The following HECW1 variants were observed in gnomAD, a reference collection of about 807,000 sequenced individuals.
The protein encoded by HECW1 is HECT, C2 and WW domain containing E3 ubiquitin protein ligase 1, also known as E3 ubiquitin-protein ligase HECW1.
Under a neutral mutation model 182.3 loss-of-function variants are expected in HECW1, and 61 were observed. That is an observed-to-expected ratio of 0.33 (90% confidence interval 0.27 to 0.41). HECW1 has a LOEUF of 0.41. Ranked by LOEUF, HECW1 falls within the 10% of genes least tolerant of loss-of-function variation. The pLI is 1.00. For missense variants in HECW1, 1,739 were observed against 2,108.9 expected (o/e 0.82, Z 3.44); for synonymous variants, 859 against 832.6 (o/e 1.03, Z -0.55).
At chr7:43,340,071 G>T (rs1002353563) in intron 5 of HECW1, among the ~76,000 whole-genome samples, 23 of 151,988 alleles carry the variant, frequency 1.5e-4, no homozygotes, top group Non-Finnish European at 8.8e-5. Context: ...CTCTCATCTA[G>T]AAGTTTTAGT....
chr7:43,277,056 C>A (rs1393594629), intron 3 of HECW1, among the ~76,000 whole-genome samples: 1 of 152,186 alleles, frequency 6.6e-6, no homozygotes, highest in African/African-American at 2.4e-5. Flanking sequence ...GCTCTTTGGT[C>A]TCCTCCTTTC....
chr7:43,524,750 G>A (rs2080691276), intron 24 of HECW1, among the ~76,000 whole-genome samples: 2 of 152,206 alleles, frequency 1.3e-5, no homozygotes, highest in Admixed American at 6.5e-5. Context: ...AGACTGTGGA[G>A]ACCCAGGTTT....
intron 2 of HECW1, among the ~76,000 whole-genome samples, chr7:43,141,154 G>T (rs1788110718): frequency 6.6e-6 from 1 of 152,212 alleles, no homozygotes; most frequent in Non-Finnish European, 1.5e-5. Flanking sequence ...AGCACTGCGA[G>T]GTGACATTTC....
At chr7:43,114,420 T>TA (rs1164091136) in intron 2 of HECW1, 29 bp downstream of exon 2, 13 of 1,331,438 alleles carry the variant, frequency 9.8e-6, no homozygotes, top group Non-Finnish European at 1.3e-5. Flanking sequence ...GGGATTCATT[T>TA]AAAAATGTGT....
At chr7:43,237,140 A>AGTAGGTAGGTAGGTAG (rs71008898) in intron 2 of HECW1, among the ~76,000 whole-genome samples, 9 of 133,970 alleles carry the variant, frequency 6.7e-5, no homozygotes, top group South Asian at 2.5e-4. Flanking sequence ...GAAGGAAGGA[A>AGTAGGTAGGTAGGTAG]GTAGGTAGGT....
At chr7:43,494,252 C>T (rs1276976977) in intron 19 of HECW1, among the ~76,000 whole-genome samples, 1 of 152,078 alleles carries the variant, frequency 6.6e-6, no homozygotes, top group Non-Finnish European at 1.5e-5. Context: ...TCTCCTCCCT[C>T]TTCTTCCACC....
intron 2 of HECW1, among the ~76,000 whole-genome samples, chr7:43,123,415 G>A (rs147917513): frequency 4.6e-5 from 7 of 152,158 alleles, no homozygotes; most frequent in Non-Finnish European, 8.8e-5. Context: ...TCTGCTTGCC[G>A]AGAGACCACT....
At chr7:43,429,884 C>T (rs2152864534) in intron 8 of HECW1, among the ~76,000 whole-genome samples, 1 of 152,322 alleles carries the variant, frequency 6.6e-6, no homozygotes, top group East Asian at 1.9e-4. Flanking sequence ...AGAGGCAAAG[C>T]TAGATGCCAG....
chr7:43,225,253 C>A (rs190892781), intron 2 of HECW1, among the ~76,000 whole-genome samples: 1 of 152,252 alleles, frequency 6.6e-6, no homozygotes, highest in East Asian at 1.9e-4. Context: ...ACAAAGAAGG[C>A]TGGCGATAGC....
At chr7:43,401,322 G>C (rs2075398211) in intron 7 of HECW1, among the ~76,000 whole-genome samples, 1 of 152,146 alleles carries the variant, frequency 6.6e-6, no homozygotes. Flanking sequence ...CTCCCGGAAG[G>C]CATCAATGAA....
At chr7:43,266,151 G>A (rs772411629) in intron 3 of HECW1, among the ~76,000 whole-genome samples, 5 of 152,036 alleles carry the variant, frequency 3.3e-5, no homozygotes, top group Admixed American at 6.5e-5. Context: ...GTCAAGGGGC[G>A]GGCTAAAAAT....
At chr7:43,548,325 T>C (rs1406927752) in intron 26 of HECW1, among the ~76,000 whole-genome samples, 1 of 152,074 alleles carries the variant, frequency 6.6e-6, no homozygotes, top group Non-Finnish European at 1.5e-5. Context: ...TTGTTGTAAG[T>C]CTCCAAAAAA....
At chr7:43,237,613 G>A (rs1798496067) in intron 2 of HECW1, among the ~76,000 whole-genome samples, 1 of 152,196 alleles carries the variant, frequency 6.6e-6, no homozygotes, top group South Asian at 2.1e-4. Context: ...GATCAAATGG[G>A]TTAATATGTG....
At chr7:43,391,496 T>C (rs571080417) in intron 6 of HECW1, among the ~76,000 whole-genome samples, 1 of 152,214 alleles carries the variant, frequency 6.6e-6, no homozygotes, top group Non-Finnish European at 1.5e-5. Flanking sequence ...GTTAAAATAG[T>C]GCGTATGGAA....
intron 2 of HECW1, among the ~76,000 whole-genome samples, chr7:43,215,143 T>G (rs927864014): frequency 6.6e-6 from 1 of 152,268 alleles, no homozygotes; most frequent in Non-Finnish European, 1.5e-5. Flanking sequence ...TTACTAACAA[T>G]AGCAGCTAAA....
At chr7:43,494,331 T>C (rs2079037561) in intron 19 of HECW1, among the ~76,000 whole-genome samples, 1 of 152,032 alleles carries the variant, frequency 6.6e-6, no homozygotes. Context: ...CCTGCCATGG[T>C]TCAAGTTTAG....
intron 2 of HECW1, among the ~76,000 whole-genome samples, chr7:43,154,579 T>C (rs980609861): frequency 1.3e-5 from 2 of 152,192 alleles, no homozygotes; most frequent in Non-Finnish European, 2.9e-5. Context: ...CTTAGGTGTA[T>C]TTGTTTGTGG....
At chr7:43,389,235 T>G (rs1409154829) in intron 6 of HECW1, among the ~76,000 whole-genome samples, 1 of 152,214 alleles carries the variant, frequency 6.6e-6, no homozygotes, top group African/African-American at 2.4e-5. Context: ...TTTCTCAAAG[T>G]GTGGTCCCTC....
intron 24 of HECW1, among the ~76,000 whole-genome samples, chr7:43,532,180 CCTCT>C: frequency 6.6e-6 from 1 of 152,084 alleles, no homozygotes; most frequent in East Asian, 1.9e-4. Flanking sequence ...GTTCCTGGTG[CCTCT>C]CTTTTTCTCA....
Sources: allele counts gnomAD v4.1 joint callset (sites outside exome capture counted in the v4.1 genomes callset), GRCh38; gene constraint gnomAD v4.1.1; transcripts MANE v1.5; gene names NCBI Gene and HGNC (gene_info 2026-07-23, HGNC 2026-07-21).